Variants in BTRC observed in about 807,000 individuals in gnomAD.
BTRC encodes the protein F-box/WD repeat-containing protein 1A.
In BTRC, 42 loss-of-function variants were observed where a neutral mutation model predicts 85.5. The ratio of observed to expected loss-of-function variants is 0.49; its 90% CI spans 0.38 to 0.64. The LOEUF is 0.64. BTRC is among the 30% of genes least tolerant of loss of function. The pLI, the probability that BTRC is intolerant of heterozygous loss-of-function variation, is 0.00. For missense variants in BTRC, 594 were observed against 743.5 expected, an observed-to-expected ratio of 0.80 and a Z score of 2.34; for synonymous variants, 255 against 263.3, an observed-to-expected ratio of 0.97 and a Z score of 0.30.
rs11818964 is a variant in BTRC at position 101,401,163 on chromosome 10, G to C, written c.49-29182G>C. ...TTTAATACAATGAAGTTTCAGAATA[G>C]CCAAGTAATTTTGTTGTGGCATGAT... On this transcript the variant is annotated intron_variant, in intron 1 of 14. Coordinates refer to ENST00000370187, the MANE Select transcript of BTRC (RefSeq NM_033637.4). 9.1e-4 allele frequency among the ~76,000 whole-genome samples: 138 copies of C among 152,312 alleles called. 1 individual carries two copies. The highest frequency in any genetic ancestry group is 3.3e-3 in the African/African-American group (137 of 41,572).
At position 101,550,841 on chromosome 10, in the gene BTRC, A is replaced by T; in HGVS notation, c.1799A>T (p.Tyr600Phe). The T allele has an allele frequency of 6.2e-7, 1 of 1,613,838 alleles. No individual in the cohort carries two copies. Among genetic ancestry groups the T allele is most frequent in the Non-Finnish European group, 8.5e-7 (1 of 1,179,814 alleles). ...AEPPRSPSRT[Y>F]TYISR The stretch of plus-strand genomic sequence containing the variant: ...CCCCCCCGTTCCCCTTCTCGAACAT[A>T]CACCTACATCTCCAGATAAATAACC... The change falls in exon 14 of 15, where the codon TAC becomes TTC. Residue 600 changes from tyrosine (Y) to phenylalanine (F), a missense_variant. Tyr to Phe is a conservative substitution (Grantham distance 22, BLOSUM62 3). This residue lies in a region of BTRC where 56 missense variants were observed against 39.6 expected (regional missense o/e 1.41). Transcript: ENST00000370187.
At chr10:101,429,979 C>A (rs1007111695) in intron 1 of BTRC, among the ~76,000 whole-genome samples, 1 of 151,838 alleles carries the variant, frequency 6.6e-6, no homozygotes, top group Non-Finnish European at 1.5e-5. Flanking sequence ...CACAGTATTA[C>A]ACCCTGTGGT....
chr10:101,501,231 G>A (rs189651393), intron 4 of BTRC, among the ~76,000 whole-genome samples: 13 of 152,274 alleles, frequency 8.5e-5, no homozygotes, highest in African/African-American at 2.9e-4. Context: ...AATATGATGG[G>A]TTTTAAGTAA....
intron 2 of BTRC, among the ~76,000 whole-genome samples, chr10:101,435,454 T>G (rs544227758): frequency 6.6e-6 from 1 of 152,320 alleles, no homozygotes; most frequent in East Asian, 1.9e-4. Flanking sequence ...CATCATATAG[T>G]GTACATTCTT....
chr10:101,489,704 A>G (rs1946080034), intron 4 of BTRC, among the ~76,000 whole-genome samples: 1 of 152,158 alleles, frequency 6.6e-6, no homozygotes, highest in Non-Finnish European at 1.5e-5. Flanking sequence ...AGTTTCTATG[A>G]AAATAAAATT....
intron 4 of BTRC, among the ~76,000 whole-genome samples, chr10:101,480,104 A>G (rs1945795783): frequency 6.6e-6 from 1 of 152,236 alleles, no homozygotes; most frequent in Non-Finnish European, 1.5e-5. Context: ...AGTGTCAGAC[A>G]TTTTAGGAAT....
chr10:101,378,684 C>T (rs1315198076), intron 1 of BTRC, among the ~76,000 whole-genome samples: 1 of 151,894 alleles, frequency 6.6e-6, no homozygotes, highest in Admixed American at 6.6e-5. Context: ...GCCACCACGC[C>T]CGGCTAATTT....
chr10:101,401,263 C>G (rs1467786077), intron 1 of BTRC, among the ~76,000 whole-genome samples: 2 of 152,116 alleles, frequency 1.3e-5, no homozygotes, highest in Non-Finnish European at 2.9e-5. Flanking sequence ...CAGTTTTACT[C>G]TTATCACGTG....
chr10:101,518,274 G>A (rs1366657374), intron 4 of BTRC, among the ~76,000 whole-genome samples: 1 of 152,144 alleles, frequency 6.6e-6, no homozygotes, highest in Non-Finnish European at 1.5e-5. Context: ...GGACCACATA[G>A]CAGTGGTCCT....
At chr10:101,548,692 C>A (rs1271831812) in intron 13 of BTRC, among the ~76,000 whole-genome samples, 1 of 152,018 alleles carries the variant, frequency 6.6e-6, no homozygotes, top group African/African-American at 2.4e-5. Flanking sequence ...GCGGAAGTTG[C>A]AGTGAGCCGA....
intron 1 of BTRC, among the ~76,000 whole-genome samples, chr10:101,365,799 T>C (rs1475420938): frequency 1.3e-5 from 2 of 152,214 alleles, no homozygotes; most frequent in Non-Finnish European, 2.9e-5. Context: ...TTTTATGTTT[T>C]ACGGATTTTC....
chr10:101,502,956 C>T (rs145348316), intron 4 of BTRC, among the ~76,000 whole-genome samples: 5 of 152,210 alleles, frequency 3.3e-5, no homozygotes, highest in East Asian at 1.9e-4. Context: ...AACTTATGCC[C>T]TTACTATGTG....
rs954779000 is a variant in BTRC at position 101,512,015 on chromosome 10, A to G, written c.325-9624A>G. ...ATCCTTACTGGTTTGTGAAATTAACATATTTATATATGTTCTTTCTCCACT... is the reference window on the plus strand; with the variant it reads ...ATCCTTACTGGTTTGTGAAATTAACGTATTTATATATGTTCTTTCTCCACT... On this transcript the variant is annotated intron_variant, in intron 4 of 14. Transcript: ENST00000370187. Among the ~76,000 whole-genome samples the G allele has an allele frequency of 5.9e-5, 9 of 152,206 alleles. No homozygotes were observed. In the East Asian group the frequency reaches 9.6e-4, roughly 16 times the overall value.
intron 1 of BTRC, among the ~76,000 whole-genome samples, chr10:101,387,562 T>C (rs1048648687): frequency 2.8e-5 from 4 of 144,114 alleles, no homozygotes; most frequent in Non-Finnish European, 4.6e-5. Flanking sequence ...AGCCTCACTC[T>C]GTTGCCCAGG....
intron 2 of BTRC, among the ~76,000 whole-genome samples, chr10:101,461,511 C>G (rs1304193430): frequency 6.6e-6 from 1 of 152,084 alleles, no homozygotes; most frequent in African/African-American, 2.4e-5. Context: ...TCCTATGCTA[C>G]TTTTATCAAA....
At chr10:101,385,051 A>AT in intron 1 of BTRC, among the ~76,000 whole-genome samples, 1 of 152,082 alleles carries the variant, frequency 6.6e-6, no homozygotes, top group Non-Finnish European at 1.5e-5. Flanking sequence ...AGCAAGACCC[A>AT]TGTCTCTACA....
At chr10:101,506,927 T>C (rs1332628425) in intron 4 of BTRC, among the ~76,000 whole-genome samples, 2 of 152,188 alleles carry the variant, frequency 1.3e-5, no homozygotes, top group Admixed American at 6.5e-5. Context: ...CTGAAAAAAT[T>C]TGAGTGAGCA....
chr10:101,373,981 A>G (rs1185119899), intron 1 of BTRC, among the ~76,000 whole-genome samples: 2 of 151,784 alleles, frequency 1.3e-5, no homozygotes, highest in Admixed American at 1.3e-4. Context: ...AATATATGAG[A>G]CTTGGAAGGT....
At position 101,505,205 on chromosome 10, in the gene BTRC, T is replaced by C. The variant is rs565206882; in HGVS notation, c.325-16434T>C. Among the ~76,000 whole-genome samples the C allele has an allele frequency of 3.0e-4, 30 of 100,262 alleles. No homozygotes were observed. The East Asian group carries it at 0.012, about 39-fold the overall frequency. The allele number at this position is 100,262 out of a possible 152,430, so 65.8% of individuals were successfully genotyped here. A position where few individuals can be genotyped will look rare whatever the true frequency, so the allele number is the denominator to read the frequency against. On this transcript the variant is annotated intron_variant, in intron 4 of 14. Transcript: ENST00000370187. ...TTTTAGTAGACACGAGGTTTCACCA[T>C]GTTGGCCAGGCTGGTCTAAGACTCT...
Sources: allele counts gnomAD v4.1 joint callset (sites outside exome capture counted in the v4.1 genomes callset), GRCh38; gene constraint gnomAD v4.1.1; regional missense constraint gnomAD v4.1.1; transcripts MANE v1.5; gene names NCBI Gene and HGNC (gene_info 2026-07-23, HGNC 2026-07-21).